MROH2B: variants seen among roughly 807,000 people sequenced by gnomAD.
The protein encoded by MROH2B is maestro heat-like repeat-containing protein family member 2B.
Under a neutral mutation model 208.6 loss-of-function variants are expected in MROH2B, and 177 were observed. The observed-to-expected ratio is 0.85, with a 90% CI of 0.75 to 0.96. The LOEUF (loss-of-function observed/expected upper bound fraction) is 0.96, where lower values mean the gene tolerates loss of function less well. Ranked by LOEUF, MROH2B falls within the 40% of genes least tolerant of loss-of-function variation. The pLI is 0.00. For synonymous variants in MROH2B, 728 were observed against 659.0 expected (o/e 1.10, Z -1.60); for missense variants, 2,002 against 1,878.7 (o/e 1.07, Z -1.21).
At chr5:41,061,165 A>AT (rs1457998566) in intron 6 of MROH2B, among the ~76,000 whole-genome samples, 2 of 152,170 alleles carry the variant, frequency 1.3e-5, no homozygotes, top group African/African-American at 2.4e-5. Flanking sequence ...GTGGACTGCT[A>AT]TTTTTTCCTA....
At chr5:41,021,983 G>A (rs1742165480) in intron 24 of MROH2B, among the ~76,000 whole-genome samples, 1 of 152,172 alleles carries the variant, frequency 6.6e-6, no homozygotes. Context: ...CCATTCCATG[G>A]GGAAAGGACA....
intron 24 of MROH2B, among the ~76,000 whole-genome samples, chr5:41,025,772 A>G (rs971406154): frequency 3.3e-5 from 5 of 152,254 alleles, no homozygotes; most frequent in Admixed American, 2.0e-4. Flanking sequence ...ATGAACATCA[A>G]TGCAAAAATC....
Position 41,057,563 on chromosome 5 carries a change from C to CTTTTTTTTTTTTTTTTTTTTT in MROH2B, c.757-204_757-203insAAAAAAAAAAAAAAAAAAAAA, listed in dbSNP as rs776904759. On this transcript the variant is annotated intron_variant, in intron 7 of 41. Coordinates refer to ENST00000399564, the MANE Select transcript of MROH2B (RefSeq NM_173489.5). ...ATGAATGAATGAACGAATATCCCTC[C>CTTTTTTTTTTTTTTTTTTTTT]TTTTTTTTTTTGAGACGGAGTCTTG... 1.3e-3 allele frequency among the ~76,000 whole-genome samples: 97 copies of CTTTTTTTTTTTTTTTTTTTTT among 73,230 alleles called. 19 individuals carry two copies. Among genetic ancestry groups the CTTTTTTTTTTTTTTTTTTTTT allele is most frequent in the East Asian group, 4.7e-3 (8 of 1,698 alleles). 48.0% of individuals were successfully genotyped at this position (73,230 alleles called of 152,430 possible).
chr5:41,058,209 C>G lies in MROH2B; in HGVS notation c.616-6G>C, dbSNP rs1299483446. The G allele has an allele frequency of 7.2e-6, 11 of 1,522,662 alleles. No individual in the cohort carries two copies. Among genetic ancestry groups the G allele is most frequent in the Non-Finnish European group, 9.7e-6 (11 of 1,132,364 alleles). The allele number at this position is 1,522,662 out of a possible 1,614,324, so 94.3% of individuals were successfully genotyped here. Reference sequence around the variant, plus strand: ...GCCTTAACGATGCTCAAAGTCTGTACAGGCAGCAAACAAATACCGTTTCTG... The same window carrying G: ...GCCTTAACGATGCTCAAAGTCTGTAGAGGCAGCAAACAAATACCGTTTCTG... On this transcript the variant is annotated splice_polypyrimidine_tract_variant and splice_region_variant and intron_variant, in intron 6 of 41. Transcript: ENST00000399564.
intron 21 of MROH2B, among the ~76,000 whole-genome samples, chr5:41,037,866 T>G (rs1377571916): frequency 6.6e-6 from 1 of 152,232 alleles, no homozygotes; most frequent in Non-Finnish European, 1.5e-5. Context: ...CACTTGATTC[T>G]TGTGTGATTC....
At chr5:41,019,054 A>G in intron 24 of MROH2B, 36 bp from the exon 25 acceptor site, 1 of 1,612,700 alleles carries the variant, frequency 6.2e-7, no homozygotes, top group Non-Finnish European at 8.5e-7. Context: ...TGGATATTAC[A>G]GTGACCATCA....
chr5:41,036,475 T>C (rs1961581), intron 21 of MROH2B, among the ~76,000 whole-genome samples: 91,724 of 152,014 alleles, frequency 0.6, 28,165 homozygotes, highest in Non-Finnish European at 0.66. Flanking sequence ...GGTATGTCTT[T>C]ATCAGCAGAG....
chr5:41,053,203 G>A (rs927522219), intron 11 of MROH2B, among the ~76,000 whole-genome samples: 1 of 152,126 alleles, frequency 6.6e-6, no homozygotes, highest in African/African-American at 2.4e-5. Flanking sequence ...TATGAAAACT[G>A]GATTTTTGTT....
At position 41,047,757 on chromosome 5, in the gene MROH2B, G is replaced by A. The variant is rs1000372473; in HGVS notation, c.1692C>T (p.Asn564=). The A allele has an allele frequency of 1.3e-5, 21 of 1,590,250 alleles. No individual in the cohort carries two copies. Among genetic ancestry groups the A allele is most frequent in the Non-Finnish European group, 1.7e-5 (20 of 1,167,226 alleles). The change falls in exon 17 of 42, where the codon AAC becomes AAT. Residue 564 remains asparagine (N), a synonymous_variant. Transcript: ENST00000399564. The part of the protein sequence containing the change: ...PELLQPLEGK[N]ISTVLWETML... ...TGGTTTCCCATAGAACGGTACTGAT[G>A]TTCTTTCCTAGAAACAAAAATTGAT...
At chr5:41,025,199 G>A (rs1742306926) in intron 24 of MROH2B, among the ~76,000 whole-genome samples, 2 of 151,926 alleles carry the variant, frequency 1.3e-5, no homozygotes, top group Non-Finnish European at 2.9e-5. Context: ...CAGAACCAAA[G>A]GAGATAGAGA....
At chr5:41,056,357 C>G (rs941366641) in intron 9 of MROH2B, among the ~76,000 whole-genome samples, 2 of 151,956 alleles carry the variant, frequency 1.3e-5, no homozygotes, top group Non-Finnish European at 1.5e-5. Flanking sequence ...AATTAGTTAG[C>G]TAGGCAGGGG....
Position 41,055,993 on chromosome 5 carries a change from C to T in MROH2B, c.920-138G>A, listed in dbSNP as rs147808913. 923 of 647,912 alleles carry T rather than the reference C, an allele frequency of 1.4e-3. 10 individuals carry two copies. In the African/African-American group the frequency reaches 0.015, roughly 10 times the overall value. 40.1% of individuals were successfully genotyped at this position (647,912 alleles called of 1,614,324 possible). On this transcript the variant is annotated intron_variant, in intron 9 of 41. Transcript: ENST00000399564. ...GTAATTTGATTTTATTACGTCCATG[C>T]TTCTTCAGTATCACAGAATTAATTG...
intron 2 of MROH2B, among the ~76,000 whole-genome samples, chr5:41,067,843 A>G (rs61622113): frequency 0.022 from 3,275 of 152,272 alleles, 123 homozygotes; most frequent in African/African-American, 0.074. Flanking sequence ...TGGGACACTC[A>G]GGGGAATGGA....
chr5:41,024,413 C>CA (rs1449400659), intron 24 of MROH2B, among the ~76,000 whole-genome samples: 1 of 151,800 alleles, frequency 6.6e-6, no homozygotes, highest in East Asian at 1.9e-4. Flanking sequence ...GACTTTAAAC[C>CA]AAAAAAGATC....
At position 41,055,793 on chromosome 5, in the gene MROH2B, C is replaced by T; in HGVS notation, c.982G>A (p.Ala328Thr). 6.2e-7 allele frequency: 1 copy of T among 1,613,836 alleles called. No homozygotes were observed. Among genetic ancestry groups the T allele is most frequent in the African/African-American group, 1.3e-5 (1 of 75,034 alleles). ...AAAGTCAAGATTCCCACTCGAATGG[C>T]TTCATTATTACTTCTTACTTGTTCA... ...FDEQVRSNNE[A>T]IRVGILTLLR... The change falls in exon 10 of 42, where the codon GCC becomes ACC. Residue 328 changes from alanine (A) to threonine (T), a missense_variant. Physicochemically the swap from Ala to Thr is moderately conservative, Grantham distance 58. Coordinates refer to ENST00000399564, the MANE Select transcript of MROH2B (RefSeq NM_173489.5).
intron 37 of MROH2B, among the ~76,000 whole-genome samples, chr5:41,002,454 C>T (rs576279768): frequency 6.6e-6 from 1 of 152,110 alleles, no homozygotes; most frequent in South Asian, 2.1e-4. Context: ...TCAAGTGTCA[C>T]CATGTTTTGA....
chr5:41,065,296 T>C, intron 4 of MROH2B, 35 bp downstream of exon 4: 1 of 1,575,354 alleles, frequency 6.3e-7, no homozygotes, highest in Non-Finnish European at 8.6e-7. Flanking sequence ...AAGTTGTCAT[T>C]TCCCAGGGAA....
In MROH2B at chr5:41,032,239, T is replaced by C. The variant is rs149730559; in HGVS notation, c.2441+503A>G. The stretch of plus-strand genomic sequence containing the variant: ...TTTCTCCACAACCTTAGCAGCATCT[T>C]TGAGTTTTTAGTAATAGCCATTCTG... On this transcript the variant is annotated intron_variant, in intron 24 of 41. Coordinates refer to ENST00000399564, the MANE Select transcript of MROH2B (RefSeq NM_173489.5). 7.9e-3 allele frequency among the ~76,000 whole-genome samples: 1,209 copies of C among 152,186 alleles called. 5 individuals carry two copies. The highest frequency in any genetic ancestry group is 0.017 in the Middle Eastern group (5 of 294).
chr5:41,010,059 T>C lies in MROH2B; in HGVS notation c.3156A>G (p.Thr1052=). ...TGAGGACTGGCATGTGATGGTAGAT[T>C]GTGCCTAAGATCTCCAATAGCTAAA... ...LEDQLLEILG[T]IYHHMPVLRQ... is the part of the protein sequence containing the mutation. Residue 1052 remains threonine (T), a synonymous_variant, in exon 31 of 42, where the codon ACA becomes ACG. Transcript: ENST00000399564. 1 of 1,613,568 alleles carries C rather than the reference T, an allele frequency of 6.2e-7. No individual in the cohort carries two copies. Among genetic ancestry groups the C allele is most frequent in the Non-Finnish European group, 8.5e-7 (1 of 1,179,700 alleles).
Sources: gnomAD v4.1 joint callset for allele counts (sites outside exome capture counted in the v4.1 genomes callset) on GRCh38, gnomAD v4.1.1 for gene constraint, MANE v1.5 for transcripts, NCBI Gene and HGNC (gene_info 2026-07-23, HGNC 2026-07-21) for gene names.